The following JMJD1C variants were observed in gnomAD, a reference collection of about 807,000 sequenced individuals.
JMJD1C encodes jumonji domain-containing protein 1C.
JMJD1C carries 31 observed loss-of-function variants against 245.3 expected under a neutral mutation model. That is an observed-to-expected ratio of 0.13 (90% confidence interval 0.09 to 0.17). The LOEUF (loss-of-function observed/expected upper bound fraction) is 0.17. Among genes scored for constraint, JMJD1C ranks in the 10% least tolerant of loss-of-function variants. JMJD1C has a pLI of 1.00. For missense variants in JMJD1C, 2,691 were observed against 3,000.2 expected, an observed-to-expected ratio of 0.90 and a Z score of 2.41; for synonymous variants, 1,057 against 1,017.4, an observed-to-expected ratio of 1.04 and a Z score of -0.74.
chr10:63,443,209 T>G (rs774387713), intron 1 of JMJD1C, among the ~76,000 whole-genome samples: 18 of 152,258 alleles, frequency 1.2e-4, no homozygotes, highest in South Asian at 2.1e-4. Context: ...TGGGGTGAGG[T>G]AGGAAGTAAG....
At chr10:63,373,972 TATTA>T (rs1946520077) in intron 2 of JMJD1C, among the ~76,000 whole-genome samples, 2 of 152,178 alleles carry the variant, frequency 1.3e-5, no homozygotes, top group African/African-American at 4.8e-5. Flanking sequence ...TTCACTTGTT[TATTA>T]ATTTTTACAA....
At chr10:63,352,143 A>G (rs1219569195) in intron 2 of JMJD1C, among the ~76,000 whole-genome samples, 3 of 152,236 alleles carry the variant, frequency 2.0e-5, no homozygotes, top group Admixed American at 2.0e-4. Flanking sequence ...GCAGATACAG[A>G]TTAACACAGA....
intron 1 of JMJD1C, among the ~76,000 whole-genome samples, chr10:63,398,961 T>C (rs1025165302): frequency 4.6e-5 from 7 of 152,166 alleles, no homozygotes; most frequent in African/African-American, 1.4e-4. Flanking sequence ...GAATATATTT[T>C]AAGTGAGAAT....
At chr10:63,366,012 T>C (rs1033537116) in intron 2 of JMJD1C, among the ~76,000 whole-genome samples, 43 of 152,194 alleles carry the variant, frequency 2.8e-4, no homozygotes, top group African/African-American at 9.7e-4. Flanking sequence ...GAAATGGGAA[T>C]GGTCTGTGCA....
At chr10:63,313,956 T>C (rs546650928) in intron 2 of JMJD1C, among the ~76,000 whole-genome samples, 2 of 152,366 alleles carry the variant, frequency 1.3e-5, no homozygotes, top group African/African-American at 2.4e-5. Flanking sequence ...TTTGTTTTTG[T>C]TGCATTTGCT....
chr10:63,360,437 G>A (rs904083948), intron 2 of JMJD1C, among the ~76,000 whole-genome samples: 1 of 152,184 alleles, frequency 6.6e-6, no homozygotes, highest in African/African-American at 2.4e-5. Context: ...AATCTACTCT[G>A]TGGATATGTT....
intron 2 of JMJD1C, among the ~76,000 whole-genome samples, chr10:63,360,003 G>A (rs1053757811): frequency 1.3e-5 from 2 of 151,926 alleles, no homozygotes; most frequent in Non-Finnish European, 2.9e-5. Context: ...AAAACAATAA[G>A]GAATACCACA....
intron 1 of JMJD1C, among the ~76,000 whole-genome samples, chr10:63,430,659 G>C (rs1239380927): frequency 6.6e-6 from 1 of 152,148 alleles, no homozygotes; most frequent in Non-Finnish European, 1.5e-5. Flanking sequence ...AAATTAGATA[G>C]GGGTCATGGT....
intron 1 of JMJD1C, among the ~76,000 whole-genome samples, chr10:63,430,973 C>G (rs760300786): frequency 5.9e-5 from 9 of 152,132 alleles, no homozygotes; most frequent in Non-Finnish European, 1.0e-4. Flanking sequence ...ATCCTCCCAC[C>G]TCGCTTCCCA....
intron 2 of JMJD1C, among the ~76,000 whole-genome samples, chr10:63,337,359 T>C (rs1942844253): frequency 1.4e-5 from 2 of 145,058 alleles, no homozygotes; most frequent in Admixed American, 7.4e-5. Context: ...GGAGAATTGC[T>C]TGAAACTGGG....
intron 1 of JMJD1C, among the ~76,000 whole-genome samples, chr10:63,474,582 C>G (rs984736765): frequency 6.6e-6 from 1 of 152,052 alleles, no homozygotes; most frequent in Non-Finnish European, 1.5e-5. Context: ...TCCCAAGTAG[C>G]TGGGACCACC....
chr10:63,374,014 G>A (rs1946523768), intron 2 of JMJD1C, among the ~76,000 whole-genome samples: 1 of 152,050 alleles, frequency 6.6e-6, no homozygotes, highest in East Asian at 1.9e-4. Context: ...AAAAAGGAAG[G>A]AAGGCAAGCA....
intron 1 of JMJD1C, among the ~76,000 whole-genome samples, chr10:63,507,877 G>A (rs1336735139): frequency 6.6e-6 from 1 of 152,104 alleles, no homozygotes; most frequent in East Asian, 1.9e-4. Context: ...CTTCTTTGGT[G>A]AGGCGTCTGT....
chr10:63,287,555 A>G (rs1349426522), intron 2 of JMJD1C, among the ~76,000 whole-genome samples: 1 of 152,234 alleles, frequency 6.6e-6, no homozygotes, highest in Non-Finnish European at 1.5e-5. Context: ...TGAATGGCTA[A>G]AAGAAATAGA....
chr10:63,310,255 A>G (rs1298652301), intron 2 of JMJD1C, among the ~76,000 whole-genome samples: 1 of 152,234 alleles, frequency 6.6e-6, no homozygotes, highest in East Asian at 1.9e-4. Context: ...ATGCCATTCC[A>G]GTGAAAAATC....
chr10:63,468,092 AGT>A (rs1458501428), upstream of JMJD1C, among the ~76,000 whole-genome samples: 3 of 152,210 alleles, frequency 2.0e-5, no homozygotes, highest in Non-Finnish European at 4.4e-5. Flanking sequence ...CATCCTTTTC[AGT>A]CCTCTGAAAA....
chr10:63,357,343 T>C (rs911060278), intron 2 of JMJD1C, among the ~76,000 whole-genome samples: 3 of 151,052 alleles, frequency 2.0e-5, no homozygotes, highest in African/African-American at 7.3e-5. Flanking sequence ...TCTCGCTCTG[T>C]TGCCCAGGCT....
At chr10:63,484,341 C>T (rs1352235012) in intron 1 of JMJD1C, among the ~76,000 whole-genome samples, 4 of 152,078 alleles carry the variant, frequency 2.6e-5, no homozygotes, top group African/African-American at 9.7e-5. Flanking sequence ...CTAAGAACCA[C>T]CATTTCAAAA....
At chr10:63,459,552 C>A (rs888370945) in intron 1 of JMJD1C, among the ~76,000 whole-genome samples, 1 of 152,158 alleles carries the variant, frequency 6.6e-6, no homozygotes, top group African/African-American at 2.4e-5. Context: ...ACTTCATACA[C>A]ATTAAAACAA....
Sources: allele counts gnomAD v4.1 joint callset (sites outside exome capture counted in the v4.1 genomes callset), GRCh38; gene constraint gnomAD v4.1.1; transcripts MANE v1.5; gene names NCBI Gene and HGNC (gene_info 2026-07-23, HGNC 2026-07-21).